Variants in ARHGEF28 observed in about 807,000 individuals in gnomAD.
ARHGEF28 encodes Rho guanine nucleotide exchange factor 28.
In ARHGEF28, 152 loss-of-function variants were observed where a neutral mutation model predicts 206.6. The observed-to-expected ratio is 0.74, with a 90% CI of 0.64 to 0.84. The LOEUF is 0.84. Ranked by LOEUF, ARHGEF28 falls within the 40% of genes least tolerant of loss-of-function variation. The pLI is 0.00. For synonymous variants in ARHGEF28, 763 were observed against 776.4 expected, an observed-to-expected ratio of 0.98 and a Z score of 0.29; for missense variants, 2,028 against 2,073.2, an observed-to-expected ratio of 0.98 and a Z score of 0.42.
chr5:73,638,681 G>A (rs1420889203), intron 1 of ARHGEF28, among the ~76,000 whole-genome samples: 1 of 152,114 alleles, frequency 6.6e-6, no homozygotes, highest in Non-Finnish European at 1.5e-5. Context: ...GAACTGATTA[G>A]TACCTAAAAT....
intron 1 of ARHGEF28, among the ~76,000 whole-genome samples, chr5:73,656,251 G>T (rs931500771): frequency 6.6e-6 from 1 of 152,146 alleles, no homozygotes; most frequent in African/African-American, 2.4e-5. Flanking sequence ...GATTTGGTGG[G>T]CAGAATAAAG....
intron 4 of ARHGEF28, among the ~76,000 whole-genome samples, chr5:73,767,595 G>T (rs1344720905): frequency 3.3e-5 from 5 of 152,116 alleles, no homozygotes; most frequent in African/African-American, 1.2e-4. Flanking sequence ...GCATCTGGCG[G>T]AAGAAATTTC....
intron 35 of ARHGEF28, among the ~76,000 whole-genome samples, chr5:73,935,665 A>G (rs976325190): frequency 3.3e-5 from 5 of 152,214 alleles, no homozygotes; most frequent in African/African-American, 9.6e-5. Flanking sequence ...AATATAACTT[A>G]TATTACAGAG....
At chr5:73,708,517 C>T (rs1291196255) in intron 2 of ARHGEF28, among the ~76,000 whole-genome samples, 1 of 152,130 alleles carries the variant, frequency 6.6e-6, no homozygotes, top group African/African-American at 2.4e-5. Flanking sequence ...ATCCATGGCC[C>T]TACAAAGGAC....
chr5:73,868,137 G>A lies in ARHGEF28; in HGVS notation c.2335G>A (p.Asp779Asn). 2 of 1,610,418 alleles carry A rather than the reference G, an allele frequency of 1.2e-6. No homozygotes were observed. The highest frequency in any genetic ancestry group is 2.2e-5 in the East Asian group (1 of 44,790). ...AGCCACATCCTTGGAGTCTGAGAGT[G>A]ACCATAACAGCTGCAGAAGCAGGTC... Reference protein sequence around the residue: ...RSATSLESESDHNSCRSRSHS... With the variant: ...RSATSLESESNHNSCRSRSHS... Residue 779 changes from aspartate (D) to asparagine (N), a missense_variant, in exon 20 of 36, where the codon GAC becomes AAC. Coordinates refer to ENST00000513042, the MANE Select transcript of ARHGEF28 (RefSeq NM_001177693.2).
chr5:73,823,634 G>A (rs775601501), intron 9 of ARHGEF28, among the ~76,000 whole-genome samples: 7 of 152,194 alleles, frequency 4.6e-5, no homozygotes, highest in Non-Finnish European at 1.0e-4. Context: ...TGCCAGGGGT[G>A]AATAGGACAG....
Position 73,865,856 on chromosome 5 carries a change from TAAC to T in ARHGEF28, c.2104-106_2104-104del, listed in dbSNP as rs570083356. 3.4e-5 allele frequency: 28 copies of T among 827,882 alleles called. No individual in the cohort carries two copies. In the South Asian group the frequency reaches 4.6e-4, roughly 14 times the overall value. 51.3% of individuals were successfully genotyped at this position (827,882 alleles called of 1,614,324 possible). A position where few individuals can be genotyped will look rare whatever the true frequency, so the allele number is the denominator to read the frequency against. On this transcript the variant is annotated intron_variant, in intron 17 of 35. Coordinates refer to ENST00000513042, the MANE Select transcript of ARHGEF28 (RefSeq NM_001177693.2). ...CTTTGAATTCCTCTTGGAAATAAAA[TAAC>T]AAAAATGATATAGATAAGAATTCTG...
intron 1 of ARHGEF28, among the ~76,000 whole-genome samples, chr5:73,654,064 G>A (rs755446866): frequency 5.9e-5 from 9 of 152,172 alleles, no homozygotes; most frequent in Non-Finnish European, 1.2e-4. Flanking sequence ...TTAAGTTAGG[G>A]TGCTTAAGTT....
At chr5:73,868,591 G>T (rs1759863048) in intron 20 of ARHGEF28, among the ~76,000 whole-genome samples, 1 of 152,178 alleles carries the variant, frequency 6.6e-6, no homozygotes, top group Non-Finnish European at 1.5e-5. Flanking sequence ...AGTTAGTTAA[G>T]ACTGGTCTTC....
chr5:73,844,767 C>CA (rs33999122), intron 11 of ARHGEF28, among the ~76,000 whole-genome samples: 15,632 of 82,718 alleles, frequency 0.19, 1,064 homozygotes, highest in East Asian at 0.3. Flanking sequence ...CTGTAACAAC[C>CA]AAAAAAAAAA....
At chr5:73,765,647 T>G (rs1045681935) in intron 4 of ARHGEF28, among the ~76,000 whole-genome samples, 2 of 152,302 alleles carry the variant, frequency 1.3e-5, no homozygotes, top group South Asian at 4.1e-4. Flanking sequence ...GTAAGCTAGC[T>G]GTATGCTTCT....
chr5:73,647,803 A>G (rs1216832852), intron 1 of ARHGEF28, among the ~76,000 whole-genome samples: 1 of 152,206 alleles, frequency 6.6e-6, no homozygotes, highest in Non-Finnish European at 1.5e-5. Flanking sequence ...TCTTCTCTTA[A>G]TTACTCTCTA....
At chr5:73,727,777 A>G (rs1015590821) in intron 2 of ARHGEF28, among the ~76,000 whole-genome samples, 15 of 152,194 alleles carry the variant, frequency 9.9e-5, no homozygotes, top group Non-Finnish European at 1.5e-5. Flanking sequence ...GGCCCTCAAC[A>G]TCCAGTTAAA....
rs756328784 is a variant in ARHGEF28 at position 73,848,997 on chromosome 5, C to T, written c.1657C>T (p.Arg553Cys). The change falls in exon 13 of 36, where the codon CGC becomes TGC. Residue 553 changes from arginine (R) to cysteine (C), a missense_variant. Arg to Cys is a radical substitution (Grantham distance 180). Coordinates refer to ENST00000513042, the MANE Select transcript of ARHGEF28 (RefSeq NM_001177693.2). ...QSKESLLSGV[R>C]SRSYSCSSPK... ...TTAGGAATCACTGCTTTCTGGAGTTCGCTCACGTTCTTATTCTTGCTCATC... is the reference window on the plus strand; with the variant it reads ...TTAGGAATCACTGCTTTCTGGAGTTTGCTCACGTTCTTATTCTTGCTCATC... The T allele has an allele frequency of 6.3e-5, 99 of 1,570,282 alleles. No homozygotes were observed. The highest frequency in any genetic ancestry group is 9.2e-5 in the Admixed American group (5 of 54,146).
At position 73,941,645 on chromosome 5, in the gene ARHGEF28, ATCT is replaced by A. The variant is rs1273531097; in HGVS notation, c.*634_*636del. 1 of 152,258 alleles carries A rather than the reference ATCT, an allele frequency of 6.6e-6. No individual in the cohort carries two copies. The highest frequency in any genetic ancestry group is 1.5e-5 in the Non-Finnish European group (1 of 68,088). 9.4% of individuals were successfully genotyped at this position (152,258 alleles called of 1,614,324 possible). On this transcript the variant is annotated 3_prime_UTR_variant, in exon 36 of 36. Transcript: ENST00000513042. Reference sequence around the variant, plus strand: ...GGGTTTCAAGACATGGTTCAGCATCATCTTTTAACAAGGCCCAGAGGCCCAGAG... The same window carrying A: ...GGGTTTCAAGACATGGTTCAGCATCATTTAACAAGGCCCAGAGGCCCAGAG...
chr5:73,674,947 A>G (rs1444469093), intron 1 of ARHGEF28, among the ~76,000 whole-genome samples: 2 of 152,120 alleles, frequency 1.3e-5, no homozygotes, highest in East Asian at 3.8e-4. Flanking sequence ...CTTCATCTGT[A>G]CCCTTCGTAA....
intron 2 of ARHGEF28, among the ~76,000 whole-genome samples, chr5:73,717,764 G>T (rs1749674121): frequency 6.6e-6 from 1 of 152,210 alleles, no homozygotes; most frequent in Non-Finnish European, 1.5e-5. Context: ...CTTTGAAAGA[G>T]TGTCATGTGT....
intron 16 of ARHGEF28, among the ~76,000 whole-genome samples, chr5:73,864,019 G>C (rs1403198377): frequency 6.6e-6 from 1 of 152,124 alleles, no homozygotes; most frequent in East Asian, 1.9e-4. Flanking sequence ...TCCCACAGAA[G>C]GATTCATTCT....
chr5:73,854,407 A>C (rs1293738503), intron 14 of ARHGEF28, among the ~76,000 whole-genome samples: 2 of 152,110 alleles, frequency 1.3e-5, no homozygotes, highest in Non-Finnish European at 2.9e-5. Flanking sequence ...TGATTATTTT[A>C]CTGCCACCAT....
Sources: gnomAD v4.1 joint callset for allele counts (sites outside exome capture counted in the v4.1 genomes callset) on GRCh38, gnomAD v4.1.1 for gene constraint, MANE v1.5 for transcripts, NCBI Gene and HGNC (gene_info 2026-07-23, HGNC 2026-07-21) for gene names.